Variants in PCDH15 observed in about 807,000 individuals in gnomAD.
PCDH15 encodes protocadherin related 15.
A neutral mutation model predicts 178.5 loss-of-function variants in PCDH15; 129 were observed. That is an observed-to-expected ratio of 0.72 (90% CI 0.63 to 0.84). PCDH15 has a LOEUF of 0.84. PCDH15 is among the 40% of genes least tolerant of loss of function. The pLI, the probability that PCDH15 is intolerant of heterozygous loss-of-function variation, is 0.00. For missense variants in PCDH15, 2,230 were observed against 2,099.9 expected (o/e 1.06, Z -1.21); for synonymous variants, 800 against 732.0 (o/e 1.09, Z -1.50).
At chr10:54,277,042 G>T (rs780025456) in intron 8 of PCDH15, among the ~76,000 whole-genome samples, 1 of 151,208 alleles carries the variant, frequency 6.6e-6, no homozygotes, top group Non-Finnish European at 1.5e-5. Flanking sequence ...AATTCAGCAC[G>T]TTTTTTTTCC....
intron 2 of PCDH15, among the ~76,000 whole-genome samples, chr10:54,597,858 T>G (rs2092318370): frequency 6.6e-6 from 1 of 152,128 alleles, no homozygotes; most frequent in Admixed American, 6.6e-5. Context: ...TATGAAATCC[T>G]CTATGAACAC....
chr10:54,091,990 GAAT>G (rs2094607116), intron 15 of PCDH15, among the ~76,000 whole-genome samples: 1 of 152,066 alleles, frequency 6.6e-6, no homozygotes, highest in Non-Finnish European at 1.5e-5. Context: ...CACATTAGAT[GAAT>G]AATAATAAGC....
chr10:54,408,534 A>T (rs1953008425), intron 3 of PCDH15, among the ~76,000 whole-genome samples: 1 of 152,188 alleles, frequency 6.6e-6, no homozygotes, highest in African/African-American at 2.4e-5. Flanking sequence ...ATTATGTATG[A>T]GACAAATCAT....
At chr10:54,392,391 A>G (rs1366866344) in intron 3 of PCDH15, among the ~76,000 whole-genome samples, 1 of 133,222 alleles carries the variant, frequency 7.5e-6, no homozygotes, top group African/African-American at 2.7e-5. Flanking sequence ...ACTTGAACCC[A>G]GGAGGACTAT....
At chr10:55,528,877 C>T (rs945211095) in intron 2 of PCDH15, among the ~76,000 whole-genome samples, 3 of 152,152 alleles carry the variant, frequency 2.0e-5, no homozygotes, top group African/African-American at 7.2e-5. Context: ...TCCACATCCT[C>T]TCCAGCATCT....
intron 2 of PCDH15, among the ~76,000 whole-genome samples, chr10:54,570,579 A>G (rs1267816468): frequency 1.3e-5 from 2 of 151,250 alleles, no homozygotes; most frequent in Admixed American, 6.6e-5. Context: ...ATTGGAATAT[A>G]TTTATTCTAT....
At chr10:55,334,242 A>ATATATATATATATATATATATATATATG (rs1291195941) in intron 2 of PCDH15, among the ~76,000 whole-genome samples, 4 of 72,138 alleles carry the variant, frequency 5.5e-5, no homozygotes, top group African/African-American at 9.5e-5. Context: ...ATATATATAT[A>ATATATATATATATATATATATATATATG]TGTGTGTGTG....
chr10:54,630,861 T>C (rs1297732599), intron 2 of PCDH15, among the ~76,000 whole-genome samples: 2 of 151,996 alleles, frequency 1.3e-5, no homozygotes, highest in Non-Finnish European at 2.9e-5. Context: ...GAAGAGACAG[T>C]TCTCAAAGGA....
chr10:53,812,541 A>G (rs1426458541), intron 35 of PCDH15, among the ~76,000 whole-genome samples: 1 of 152,074 alleles, frequency 6.6e-6, no homozygotes, highest in African/African-American at 2.4e-5. Flanking sequence ...AAAGGAAAAA[A>G]AGAATTTGTT....
At chr10:54,342,597 T>C (rs905107371) in intron 6 of PCDH15, among the ~76,000 whole-genome samples, 2 of 126,316 alleles carry the variant, frequency 1.6e-5, no homozygotes, top group African/African-American at 6.7e-5. Context: ...TGGGACTGCC[T>C]AGTGGAGCTG....
At position 55,378,988 on chromosome 10, in the gene PCDH15, C is replaced by A. The variant is rs139200599; in HGVS notation, c.-155-212337G>T. 2.3e-3 allele frequency among the ~76,000 whole-genome samples: 343 copies of A among 151,614 alleles called. 1 individual carries two copies. Among genetic ancestry groups the A allele is most frequent in the African/African-American group, 8.0e-3 (332 of 41,276 alleles). On this transcript the variant is annotated intron_variant, in intron 2 of 5. Coordinates refer to the PCDH15 transcript ENST00000613346. ...TTTCCCGTATCATAGTCCATACAACCTTTAACTTATTTTTTCACTGTCCCA... is the reference window on the plus strand; with the variant it reads ...TTTCCCGTATCATAGTCCATACAACATTTAACTTATTTTTTCACTGTCCCA...
chr10:55,618,386 C>A, intron 2 of PCDH15, among the ~76,000 whole-genome samples: 1 of 151,812 alleles, frequency 6.6e-6, no homozygotes, highest in Middle Eastern at 3.2e-3. Flanking sequence ...TAGGAGTGTC[C>A]TAATAGGAAA....
At chr10:55,496,348 T>G (rs1840534069) in intron 2 of PCDH15, among the ~76,000 whole-genome samples, 1 of 151,776 alleles carries the variant, frequency 6.6e-6, no homozygotes, top group Admixed American at 6.6e-5. Context: ...CTGGCTTACT[T>G]TTTTATAAAT....
intron 2 of PCDH15, among the ~76,000 whole-genome samples, chr10:55,006,584 T>C (rs1323293118): frequency 1.3e-5 from 2 of 151,628 alleles, no homozygotes; most frequent in Non-Finnish European, 2.9e-5. Flanking sequence ...GTCTTTATGA[T>C]AGTGAGTTTT....
At chr10:54,648,650 A>C (rs1241557200) in intron 2 of PCDH15, among the ~76,000 whole-genome samples, 1 of 152,154 alleles carries the variant, frequency 6.6e-6, no homozygotes, top group Middle Eastern at 3.2e-3. Flanking sequence ...TACAGAGAAG[A>C]GTATTTCTAA....
Position 54,296,108 on chromosome 10 carries a change from G to GCACTC in PCDH15, c.876+21158_876+21162dup, listed in dbSNP as rs2059755909. Among the ~76,000 whole-genome samples, 3 of 126,834 alleles carry GCACTC rather than the reference G, an allele frequency of 2.4e-5. No homozygotes were observed. In the Admixed American group the frequency reaches 3.0e-4, roughly 12 times the overall value. 83.2% of individuals were successfully genotyped at this position (126,834 alleles called of 152,430 possible). ...TGCAGGGAGCCGAGATCCCGCCACTGCACTCCAGCCTGGGCGACAGAGCGA... is the reference window on the plus strand; with the variant it reads ...TGCAGGGAGCCGAGATCCCGCCACTGCACTCCACTCCAGCCTGGGCGACAGAGCGA... On this transcript the variant is annotated intron_variant, in intron 8 of 37. Transcript: ENST00000644397.
intron 10 of PCDH15, among the ~76,000 whole-genome samples, chr10:54,203,658 T>A (rs1175874439): frequency 6.6e-6 from 1 of 152,156 alleles, no homozygotes; most frequent in Non-Finnish European, 1.5e-5. Flanking sequence ...TAATTCAAAA[T>A]TTTCTTCTTC....
intron 18 of PCDH15, among the ~76,000 whole-genome samples, chr10:54,028,866 C>T (rs2093205691): frequency 6.7e-6 from 1 of 149,800 alleles, no homozygotes; most frequent in South Asian, 2.1e-4. Flanking sequence ...TGCAGCGCAC[C>T]AGCATGGCAC....
At chr10:54,576,968 T>C (rs1246708467) in intron 2 of PCDH15, among the ~76,000 whole-genome samples, 1 of 152,210 alleles carries the variant, frequency 6.6e-6, no homozygotes, top group Non-Finnish European at 1.5e-5. Context: ...ACTGGAAGTC[T>C]TTATGCAAAG....
Sources: allele counts gnomAD v4.1 joint callset (sites outside exome capture counted in the v4.1 genomes callset), GRCh38; gene constraint gnomAD v4.1.1; transcripts MANE v1.5; gene names NCBI Gene and HGNC (gene_info 2026-07-23, HGNC 2026-07-21).